Variants in LRMDA observed in about 807,000 individuals in gnomAD.
LRMDA encodes leucine-rich melanocyte differentiation-associated protein.
In LRMDA, 18 loss-of-function variants were observed where a neutral mutation model predicts 29.8. The ratio of observed to expected loss-of-function variants is 0.60; its 90% CI spans 0.42 to 0.90. The LOEUF (loss-of-function observed/expected upper bound fraction) is 0.90. Ranked by LOEUF, LRMDA falls within the 40% of genes least tolerant of loss-of-function variation. The pLI is 0.00. For synonymous variants in LRMDA, 125 were observed against 109.4 expected (o/e 1.14, Z -0.89); for missense variants, 273 against 273.9 (o/e 1.00, Z 0.02).
At chr10:75,937,060 TG>T (rs1202820995) in intron 2 of LRMDA, among the ~76,000 whole-genome samples, 1 of 152,202 alleles carries the variant, frequency 6.6e-6, no homozygotes, top group Admixed American at 6.5e-5. Context: ...TTTTTACTTT[TG>T]GGGGAAGAAG....
chr10:76,336,194 A>ATT (rs1442014519), intron 6 of LRMDA, among the ~76,000 whole-genome samples: 1 of 147,186 alleles, frequency 6.8e-6, no homozygotes, highest in African/African-American at 2.6e-5. Context: ...TGAAACTTAA[A>ATT]CAATTTTCAA....
rs186144340 is a variant in LRMDA at position 76,050,361 on chromosome 10, A to C, written c.398+3058A>C. On this transcript the variant is annotated intron_variant, in intron 4 of 6. Coordinates refer to ENST00000611255, the MANE Select transcript of LRMDA (RefSeq NM_001305581.2). ...GCACCCAGTTGGATTTTCTTGGCAC[A>C]CATCCCCACCATAAAACAGGCTCAT... Among the ~76,000 whole-genome samples the C allele has an allele frequency of 2.0e-5, 3 of 152,282 alleles. No homozygotes were observed. In the East Asian group the frequency reaches 5.8e-4, roughly 29 times the overall value.
chr10:76,018,163 A>G (rs962466106), intron 2 of LRMDA, among the ~76,000 whole-genome samples: 1 of 152,206 alleles, frequency 6.6e-6, no homozygotes, highest in Non-Finnish European at 1.5e-5. Context: ...CAATAGACAG[A>G]GCAAAAGTCT....
intron 2 of LRMDA, among the ~76,000 whole-genome samples, chr10:75,958,580 C>T (rs1846705605): frequency 6.6e-6 from 1 of 151,960 alleles, no homozygotes; most frequent in Non-Finnish European, 1.5e-5. Flanking sequence ...AAAACCTGCC[C>T]ACTTTCTCTA....
chr10:75,550,436 A>G (rs754365971), intron 2 of LRMDA, among the ~76,000 whole-genome samples: 3 of 152,122 alleles, frequency 2.0e-5, no homozygotes, highest in Non-Finnish European at 4.4e-5. Flanking sequence ...GTTCCTAAAC[A>G]TATTCCTTGT....
At chr10:76,058,910 C>T in intron 5 of LRMDA, 127 bp downstream of exon 5, 1 of 731,292 alleles carries the variant, frequency 1.4e-6, no homozygotes, top group Admixed American at 2.2e-5. Flanking sequence ...AGGGTCCTTC[C>T]ATGGATACAT....
At chr10:75,608,847 A>G (rs984940554) in intron 2 of LRMDA, among the ~76,000 whole-genome samples, 2 of 152,150 alleles carry the variant, frequency 1.3e-5, no homozygotes, top group Non-Finnish European at 2.9e-5. Flanking sequence ...TTTCTTCCAA[A>G]GAATCCCTTT....
At chr10:76,464,940 T>C (rs1842549902) in intron 6 of LRMDA, 1 of 152,186 alleles carries the variant, frequency 6.6e-6, no homozygotes, top group Non-Finnish European at 1.5e-5. Context: ...AAGAGTAGCT[T>C]CTCTCTCCTC....
chr10:75,918,350 T>G (rs1314817764), intron 2 of LRMDA, among the ~76,000 whole-genome samples: 2 of 152,100 alleles, frequency 1.3e-5, no homozygotes, highest in Non-Finnish European at 2.9e-5. Flanking sequence ...ACAGGAAGCA[T>G]AGCAGCATCT....
At chr10:75,495,778 G>A (rs1171533162) in intron 2 of LRMDA, among the ~76,000 whole-genome samples, 1 of 152,232 alleles carries the variant, frequency 6.6e-6, no homozygotes, top group Admixed American at 6.5e-5. Flanking sequence ...TTCTCAGATA[G>A]AAGATGAAGG....
At chr10:75,645,896 T>C (rs1258301592) in intron 2 of LRMDA, among the ~76,000 whole-genome samples, 1 of 151,964 alleles carries the variant, frequency 6.6e-6, no homozygotes, top group Non-Finnish European at 1.5e-5. Flanking sequence ...GCCTTTTCTA[T>C]TCATCTCTTT....
At chr10:76,454,044 A>T (rs1313750369) in intron 6 of LRMDA, among the ~76,000 whole-genome samples, 1 of 152,216 alleles carries the variant, frequency 6.6e-6, no homozygotes, top group East Asian at 1.9e-4. Context: ...ACATCTTCTC[A>T]GGCATAATCT....
At chr10:76,087,577 G>A (rs372295629) in intron 5 of LRMDA, among the ~76,000 whole-genome samples, 1 of 152,116 alleles carries the variant, frequency 6.6e-6, no homozygotes, top group African/African-American at 2.4e-5. Context: ...CAGTGTAGCT[G>A]TAGAGAGAGA....
intron 2 of LRMDA, among the ~76,000 whole-genome samples, chr10:75,796,993 T>G (rs1843664378): frequency 6.6e-6 from 1 of 152,260 alleles, no homozygotes; most frequent in South Asian, 2.1e-4. Flanking sequence ...CAAGATGAAT[T>G]GGAAAGTGTT....
Position 76,523,814 on chromosome 10 carries a change from A to G in LRMDA, c.602-33395A>G, listed in dbSNP as rs1402860853. On this transcript the variant is annotated intron_variant, in intron 6 of 6. Transcript: ENST00000611255. ...TTTTTGACGTTCCTTCCCTGCTGCC[A>G]TTTCCCAACTTTAACTTTTGAAAAG... 8.5e-5 allele frequency among the ~76,000 whole-genome samples: 13 copies of G among 152,096 alleles called. No individual in the cohort carries two copies. The East Asian group carries it at 2.3e-3, about 27-fold the overall frequency.
chr10:75,607,972 G>A (rs1314874281), intron 2 of LRMDA, among the ~76,000 whole-genome samples: 1 of 150,690 alleles, frequency 6.6e-6, no homozygotes, highest in Non-Finnish European at 1.5e-5. Flanking sequence ...TGTGAATAAT[G>A]CTGCCATGAG....
In LRMDA at chr10:76,131,549, C is replaced by T. The variant is rs563607056; in HGVS notation, c.516+72766C>T. On this transcript the variant is annotated intron_variant, in intron 5 of 6. Coordinates refer to ENST00000611255, the MANE Select transcript of LRMDA (RefSeq NM_001305581.2). The stretch of plus-strand genomic sequence containing the variant: ...TCTTTGATGCATATTGCAAAATTGC[C>T]TTTTAGGCAATATTATTCCATTTAT... Among the ~76,000 whole-genome samples, 68 of 152,084 alleles carry T rather than the reference C, an allele frequency of 4.5e-4. 1 individual carries two copies. In the South Asian group the frequency reaches 0.014, roughly 31 times the overall value.
intron 6 of LRMDA, among the ~76,000 whole-genome samples, chr10:76,416,558 A>G (rs1300494765): frequency 6.6e-6 from 1 of 152,236 alleles, no homozygotes; most frequent in East Asian, 1.9e-4. Context: ...ACCAGTGGTT[A>G]TGTGCTCAAC....
At chr10:76,433,646 AAC>A (rs1842214843) in intron 6 of LRMDA, 1 of 152,052 alleles carries the variant, frequency 6.6e-6, no homozygotes, top group Admixed American at 6.5e-5. Context: ...GCACTGGGGA[AAC>A]AGAAATAGGC....
Sources: allele counts gnomAD v4.1 joint callset (sites outside exome capture counted in the v4.1 genomes callset), GRCh38; gene constraint gnomAD v4.1.1; transcripts MANE v1.5; gene names NCBI Gene and HGNC (gene_info 2026-07-23, HGNC 2026-07-21).